The following LNX1 variants were observed in gnomAD, a reference collection of about 807,000 sequenced individuals.
The protein encoded by LNX1 is E3 ubiquitin-protein ligase LNX.
LNX1 carries 54 observed loss-of-function variants against 68.4 expected under a neutral mutation model. That is an observed-to-expected ratio of 0.79 (90% CI 0.63 to 0.99). The LOEUF (loss-of-function observed/expected upper bound fraction) is 0.99. Among genes scored for constraint, LNX1 ranks in the 50% least tolerant of loss-of-function variants. LNX1 has a pLI of 0.00. For synonymous variants in LNX1, 336 were observed against 350.0 expected, an observed-to-expected ratio of 0.96 and a Z score of 0.45; for missense variants, 906 against 926.4, an observed-to-expected ratio of 0.98 and a Z score of 0.29.
rs10553873 is a variant in LNX1, at chr4:53,610,715, G to GAAA, written c.-215+5799_-215+5801dup. 2.3e-3 allele frequency among the ~76,000 whole-genome samples: 255 copies of GAAA among 112,530 alleles called. 1 individual carries two copies. The highest frequency in any genetic ancestry group is 7.9e-3 in the African/African-American group (235 of 29,720). 73.8% of individuals were successfully genotyped at this position (112,530 alleles called of 152,430 possible). On this transcript the variant is annotated intron_variant, in intron 2 of 3. Coordinates refer to the LNX1 transcript ENST00000504299. ...AGAGCAAGACTCCCGTCTCAAAGAG[G>GAAA]AAAAAAAAAAAAAAAAAAGAAATAA...
intron 2 of LNX1, among the ~76,000 whole-genome samples, chr4:53,522,641 C>T (rs1727314779): frequency 6.6e-6 from 1 of 152,196 alleles, no homozygotes; most frequent in Non-Finnish European, 1.5e-5. Context: ...ACACAACAGA[C>T]ATTCATGAAA....
At chr4:53,580,930 C>T (rs952824345) in intron 1 of LNX1, among the ~76,000 whole-genome samples, 5 of 152,058 alleles carry the variant, frequency 3.3e-5, no homozygotes, top group Non-Finnish European at 7.4e-5. Flanking sequence ...AATGATAAAT[C>T]AGACATAATT....
chr4:53,577,948 C>A (rs1305295672), intron 1 of LNX1, among the ~76,000 whole-genome samples: 1 of 152,012 alleles, frequency 6.6e-6, no homozygotes, highest in African/African-American at 2.4e-5. Flanking sequence ...GAATATTTAC[C>A]ATGCGCCAGG....
chr4:53,610,462 C>A (rs2109847243), intron 2 of LNX1, among the ~76,000 whole-genome samples: 1 of 152,184 alleles, frequency 6.6e-6, no homozygotes, highest in Non-Finnish European at 1.5e-5. Flanking sequence ...AATCCCAGCA[C>A]TTTGGGAGGC....
At chr4:53,466,965 T>C (rs1317541985) in intron 9 of LNX1, among the ~76,000 whole-genome samples, 1 of 152,160 alleles carries the variant, frequency 6.6e-6, no homozygotes, top group Non-Finnish European at 1.5e-5. Flanking sequence ...CAGACTTAAA[T>C]GTCCCTGTCT....
chr4:53,603,234 C>T (rs1733091544), intron 2 of LNX1, among the ~76,000 whole-genome samples: 1 of 152,170 alleles, frequency 6.6e-6, no homozygotes, highest in South Asian at 2.1e-4. Context: ...TCCTTGGGAG[C>T]CGACTCCTCA....
intron 1 of LNX1, among the ~76,000 whole-genome samples, chr4:53,626,821 AG>A (rs2109866817): frequency 6.6e-6 from 1 of 152,320 alleles, no homozygotes; most frequent in South Asian, 2.1e-4. Flanking sequence ...CAAATTCTTG[AG>A]TATTAAGTTT....
intron 9 of LNX1, among the ~76,000 whole-genome samples, chr4:53,465,072 A>G (rs1020148873): frequency 6.6e-6 from 1 of 152,156 alleles, no homozygotes; most frequent in Non-Finnish European, 1.5e-5. Flanking sequence ...TATTCTTCCA[A>G]GCGTCTTGCA....
intron 1 of LNX1, chr4:53,652,113 G>GT (rs33939700): frequency 2.6e-4 from 39 of 151,368 alleles, no homozygotes; most frequent in South Asian, 6.3e-4. Context: ...CAGAGGTGAA[G>GT]TTTTTTTTTA....
chr4:53,479,535 A>G (rs1382887128), intron 7 of LNX1, among the ~76,000 whole-genome samples: 1 of 152,150 alleles, frequency 6.6e-6, no homozygotes, highest in Non-Finnish European at 1.5e-5. Flanking sequence ...AAAGCGACCA[A>G]TGTCAGCAAT....
At chr4:53,495,800 TC>T (rs1725010137) in intron 6 of LNX1, among the ~76,000 whole-genome samples, 1 of 152,160 alleles carries the variant, frequency 6.6e-6, no homozygotes, top group Non-Finnish European at 1.5e-5. Flanking sequence ...TGCCTCGGCC[TC>T]CCAAAGTGCT....
intron 8 of LNX1, among the ~76,000 whole-genome samples, chr4:53,477,788 A>G (rs1723660461): frequency 6.6e-6 from 1 of 152,040 alleles, no homozygotes. Context: ...ACAGGAGGAG[A>G]AAAAAGAGAA....
At chr4:53,589,579 T>G (rs1352311853) in intron 1 of LNX1, among the ~76,000 whole-genome samples, 5 of 152,230 alleles carry the variant, frequency 3.3e-5, no homozygotes, top group African/African-American at 1.2e-4. Context: ...AGCTACCTCA[T>G]TTACTTCTCA....
At chr4:53,616,686 C>A (rs1733692792) in intron 1 of LNX1, 1 of 152,050 alleles carries the variant, frequency 6.6e-6, no homozygotes, top group South Asian at 2.1e-4. Flanking sequence ...GCAGCAGTAG[C>A]AGCAGCTAAT....
intron 2 of LNX1, among the ~76,000 whole-genome samples, chr4:53,567,287 C>T (rs1730766288): frequency 1.4e-5 from 2 of 146,148 alleles, no homozygotes; most frequent in African/African-American, 2.5e-5. Context: ...GAAATTATAA[C>T]AAACTATCTC....
At chr4:53,643,518 G>T (rs1337377789) in intron 1 of LNX1, among the ~76,000 whole-genome samples, 1 of 152,132 alleles carries the variant, frequency 6.6e-6, no homozygotes, top group Non-Finnish European at 1.5e-5. Flanking sequence ...GATGTAGTCT[G>T]AGAAAGGGGT....
intron 6 of LNX1, among the ~76,000 whole-genome samples, chr4:53,492,500 G>C (rs1279880001): frequency 2.9e-5 from 1 of 34,896 alleles, no homozygotes; most frequent in Non-Finnish European, 7.9e-5. Flanking sequence ...AGGCCTCAGA[G>C]GGCTCTGAGA....
Position 53,565,202 on chromosome 4 carries a change from G to A in LNX1, c.380+8421C>T, listed in dbSNP as rs1730578564. 2.0e-5 allele frequency among the ~76,000 whole-genome samples: 3 copies of A among 152,136 alleles called. No individual in the cohort carries two copies. In the South Asian group the frequency reaches 6.2e-4, roughly 32 times the overall value. On this transcript the variant is annotated intron_variant, in intron 2 of 10. Transcript: ENST00000263925. ...GCTCCACCTCTGGGGGCAGGGCACA[G>A]ACAAACAAAAAGACAGCAGTAACCT...
At chr4:53,645,476 C>T (rs994958518) in intron 1 of LNX1, among the ~76,000 whole-genome samples, 8 of 152,320 alleles carry the variant, frequency 5.3e-5, no homozygotes, top group African/African-American at 1.7e-4. Flanking sequence ...GATTTGCCTA[C>T]TCAAGCCCAA....
Sources: gnomAD v4.1 joint callset for allele counts (sites outside exome capture counted in the v4.1 genomes callset) on GRCh38, gnomAD v4.1.1 for gene constraint, MANE v1.5 for transcripts, NCBI Gene and HGNC (gene_info 2026-07-23, HGNC 2026-07-21) for gene names.